Variants in PDE3B observed in about 807,000 individuals in gnomAD.
PDE3B encodes the protein cGMP-inhibited 3',5'-cyclic phosphodiesterase 3B.
PDE3B carries 66 observed loss-of-function variants against 116.8 expected under a neutral mutation model. That is an observed-to-expected ratio of 0.56 (90% confidence interval 0.46 to 0.69). The LOEUF (loss-of-function observed/expected upper bound fraction) is 0.69, where lower values mean the gene tolerates loss of function less well. Ranked by LOEUF, PDE3B falls within the 30% of genes least tolerant of loss-of-function variation. The pLI is 0.00. For missense variants in PDE3B, 1,384 were observed against 1,368.1 expected (o/e 1.01, Z -0.18); for synonymous variants, 595 against 533.6 (o/e 1.12, Z -1.59).
intron 7 of PDE3B, among the ~76,000 whole-genome samples, chr11:14,828,051 A>C (rs1023735553): frequency 2.0e-5 from 3 of 152,140 alleles, no homozygotes; most frequent in Admixed American, 6.5e-5. Context: ...GCCAACAAAA[A>C]CAAGCCCATT....
intron 1 of PDE3B, among the ~76,000 whole-genome samples, chr11:14,748,041 T>C (rs1308824041): frequency 6.6e-6 from 1 of 152,240 alleles, no homozygotes; most frequent in Non-Finnish European, 1.5e-5. Flanking sequence ...CTTTAGCATT[T>C]ATTATATTGT....
intron 1 of PDE3B, chr11:14,674,155 C>A: frequency 7.3e-7 from 1 of 1,361,382 alleles, no homozygotes. Context: ...CCTTTTCTTC[C>A]GAGGAGGCCA....
the PDE3B span, chr11:14,891,903 T>G: frequency 5.2e-6 from 8 of 1,528,330 alleles, no homozygotes; most frequent in African/African-American, 6.9e-5. Flanking sequence ...GGGGCGGCCA[T>G]AAGTCCAACC....
intron 1 of PDE3B, among the ~76,000 whole-genome samples, chr11:14,682,807 T>C (rs1000472665): frequency 1.3e-5 from 2 of 152,040 alleles, no homozygotes; most frequent in African/African-American, 4.8e-5. Flanking sequence ...AATACCTTTT[T>C]TGGTATTGGG....
At chr11:14,874,974 A>C (rs535160222), downstream of PDE3B, among the ~76,000 whole-genome samples, 34 of 152,258 alleles carry the variant, frequency 2.2e-4, no homozygotes, top group Admixed American at 5.9e-4. Context: ...AGACGAAATT[A>C]GGGAGCCCTC....
chr11:14,724,519 A>G (rs986999149), intron 1 of PDE3B, among the ~76,000 whole-genome samples: 1 of 152,180 alleles, frequency 6.6e-6, no homozygotes, highest in African/African-American at 2.4e-5. Flanking sequence ...GGAAATGCTC[A>G]TTTGGAGCAT....
intron 1 of PDE3B, among the ~76,000 whole-genome samples, chr11:14,762,835 A>AT (rs1857398049): frequency 6.6e-6 from 1 of 152,212 alleles, no homozygotes; most frequent in South Asian, 2.1e-4. Flanking sequence ...GAGGGGAGTT[A>AT]TATTTTTGGC....
In PDE3B at chr11:14,869,440, T is replaced by C. The variant is rs782580189; in HGVS notation, c.3140-21T>C. On this transcript the variant is annotated intron_variant, in intron 15 of 15. Transcript: ENST00000282096. ...AAATCATATTGCTATGATTAGAATA[T>C]ATTTATTTTAAATTTCACAGAACCA... The C allele has an allele frequency of 3.1e-6, 5 of 1,593,106 alleles. No individual in the cohort carries two copies. In the African/African-American group the frequency reaches 5.4e-5, roughly 17 times the overall value.
At chr11:14,765,564 G>C (rs117494483) in intron 1 of PDE3B, among the ~76,000 whole-genome samples, 4,753 of 151,886 alleles carry the variant, frequency 0.031, 107 homozygotes, top group Non-Finnish European at 0.049. Flanking sequence ...ATATTACTTA[G>C]AGAAATTACT....
At chr11:14,762,807 A>C (rs1432887719) in intron 1 of PDE3B, among the ~76,000 whole-genome samples, 1 of 152,206 alleles carries the variant, frequency 6.6e-6, no homozygotes, top group Admixed American at 6.6e-5. Flanking sequence ...AGGATTTTCC[A>C]GTGTGATGTG....
In PDE3B at chr11:14,714,084, T is replaced by C. The variant is rs576389211; in HGVS notation, c.979-57853T>C. ...TGACTTTTTTTTTAAAAAATGACTG[T>C]AGCAGGTTGATTGATGATTGGTTAA... On this transcript the variant is annotated intron_variant, in intron 1 of 15. Transcript: ENST00000282096. 4.0e-4 allele frequency among the ~76,000 whole-genome samples: 61 copies of C among 152,170 alleles called. No homozygotes were observed. In the South Asian group the frequency reaches 0.012, roughly 29 times the overall value.
At chr11:14,692,925 C>T (rs1855087540) in intron 1 of PDE3B, among the ~76,000 whole-genome samples, 1 of 152,170 alleles carries the variant, frequency 6.6e-6, no homozygotes, top group Non-Finnish European at 1.5e-5. Context: ...CACCAAAATG[C>T]TAGGCTTCTT....
At chr11:14,758,015 T>C (rs1178016384) in intron 1 of PDE3B, among the ~76,000 whole-genome samples, 3 of 151,926 alleles carry the variant, frequency 2.0e-5, no homozygotes, top group African/African-American at 7.3e-5. Context: ...TTCAGCTTTC[T>C]ACATATGGCT....
At chr11:14,879,566 T>G in the PDE3B span, 9 of 676,520 alleles carry the variant, frequency 1.3e-5, no homozygotes, top group African/African-American at 3.6e-5. Flanking sequence ...TACATCCAGA[T>G]TCAGATTTTT....
At chr11:14,702,652 T>A (rs953368330) in intron 1 of PDE3B, among the ~76,000 whole-genome samples, 1 of 151,874 alleles carries the variant, frequency 6.6e-6, no homozygotes, top group African/African-American at 2.4e-5. Flanking sequence ...AAATTAAAAT[T>A]AAAATGAATG....
chr11:14,867,804 G>A, intron 15 of PDE3B, 46 bp downstream of exon 15: 2 of 1,501,974 alleles, frequency 1.3e-6, no homozygotes, highest in African/African-American at 1.4e-5. Context: ...TATAGGTTGA[G>A]TATTCCAAGT....
chr11:14,863,974 A>G (rs1847996356), intron 14 of PDE3B, among the ~76,000 whole-genome samples: 1 of 152,230 alleles, frequency 6.6e-6, no homozygotes, highest in Non-Finnish European at 1.5e-5. Flanking sequence ...TTAAATGTAA[A>G]TGGGCTAAAT....
intron 5 of PDE3B, among the ~76,000 whole-genome samples, chr11:14,813,294 A>T (rs1859211201): frequency 1.3e-5 from 2 of 152,094 alleles, no homozygotes. Flanking sequence ...CAGCAGGGCT[A>T]TGTGTCTTCT....
the PDE3B span, chr11:14,892,346 G>T: frequency 1.3e-6 from 1 of 775,490 alleles, no homozygotes; most frequent in Non-Finnish European, 2.1e-6. Flanking sequence ...GAGCGCTCAG[G>T]CCCCTTCGGG....
Sources: allele counts gnomAD v4.1 joint callset (sites outside exome capture counted in the v4.1 genomes callset), GRCh38; gene constraint gnomAD v4.1.1; transcripts MANE v1.5; gene names NCBI Gene and HGNC (gene_info 2026-07-23, HGNC 2026-07-21).